The following ZFHX3 variants were observed in gnomAD, a reference collection of about 807,000 sequenced individuals.
The protein encoded by ZFHX3 is zinc finger homeobox 3.
In ZFHX3, 42 loss-of-function variants were observed where a neutral mutation model predicts 279.1. That is an observed-to-expected ratio of 0.15 (90% CI 0.12 to 0.19). The LOEUF is 0.19. Among genes scored for constraint, ZFHX3 ranks in the 10% least tolerant of loss-of-function variants. The probability of loss-of-function intolerance (pLI) is 1.00; values close to 1 mark genes in which losing one functional copy is unlikely to be tolerated. For missense variants in ZFHX3, 4,981 were observed against 4,754.0 expected (o/e 1.05, Z -1.40); for synonymous variants, 2,293 against 1,957.8 (o/e 1.17, Z -4.52).
intron 2 of ZFHX3, among the ~76,000 whole-genome samples, chr16:73,647,315 T>A (rs1193243990): frequency 1.3e-5 from 2 of 152,188 alleles, no homozygotes; most frequent in Non-Finnish European, 2.9e-5. Flanking sequence ...AGTGATATAG[T>A]TTGCATTTGT....
chr16:73,161,976 A>T (rs1967246975), intron 5 of ZFHX3, among the ~76,000 whole-genome samples: 1 of 152,250 alleles, frequency 6.6e-6, no homozygotes, highest in African/African-American at 2.4e-5. Flanking sequence ...ACTTGGGAAC[A>T]GCCCATTGTT....
intron 2 of ZFHX3, among the ~76,000 whole-genome samples, chr16:73,596,175 C>T (rs2052048002): frequency 6.6e-6 from 1 of 151,972 alleles, no homozygotes. Context: ...GCAAATGCCA[C>T]CACGCCCGGC....
At chr16:73,845,683 C>T (rs1047235826) in intron 1 of ZFHX3, among the ~76,000 whole-genome samples, 4 of 152,170 alleles carry the variant, frequency 2.6e-5, no homozygotes, top group East Asian at 1.9e-4. Flanking sequence ...TTCCAACATG[C>T]GTTGTCATGG....
At chr16:72,933,335 T>C (rs1372431019) in intron 3 of ZFHX3, among the ~76,000 whole-genome samples, 3 of 152,014 alleles carry the variant, frequency 2.0e-5, no homozygotes, top group Non-Finnish European at 4.4e-5. Context: ...AGTAGGAAGG[T>C]GGAGGGGAGG....
intron 1 of ZFHX3, among the ~76,000 whole-genome samples, chr16:73,057,325 T>C (rs1284960912): frequency 1.3e-5 from 2 of 152,194 alleles, no homozygotes; most frequent in South Asian, 2.1e-4. Flanking sequence ...TCAATAGTTA[T>C]ACAAGAACCC....
rs563069677 is a variant in ZFHX3, at chr16:73,122,354, T to C, written c.-897+8614A>G. On this transcript the variant is annotated intron_variant, in intron 7 of 17. Coordinates refer to the ZFHX3 transcript ENST00000641206. Reference sequence around the variant, plus strand: ...CTGAATAGCTGGAACTACAGGTGCATGCCAGGCTAATTTTTGTATTTTTTT... The same window carrying C: ...CTGAATAGCTGGAACTACAGGTGCACGCCAGGCTAATTTTTGTATTTTTTT... 9.4e-4 allele frequency among the ~76,000 whole-genome samples: 142 copies of C among 151,846 alleles called. 1 individual carries two copies. The highest frequency in any genetic ancestry group is 1.2e-3 in the Non-Finnish European group (82 of 67,956).
At chr16:73,066,008 G>C (rs891012493) in intron 8 of ZFHX3, among the ~76,000 whole-genome samples, 1 of 152,182 alleles carries the variant, frequency 6.6e-6, no homozygotes, top group African/African-American at 2.4e-5. Context: ...CCCCACGGCC[G>C]GCAGGAGTCC....
intron 4 of ZFHX3, among the ~76,000 whole-genome samples, chr16:72,871,625 C>A (rs2038163286): frequency 6.6e-6 from 1 of 151,988 alleles, no homozygotes; most frequent in African/African-American, 2.4e-5. Context: ...CAGGTGTGAG[C>A]CACCACACCT....
At chr16:73,414,506 T>C (rs1443466160) in intron 3 of ZFHX3, among the ~76,000 whole-genome samples, 2 of 152,364 alleles carry the variant, frequency 1.3e-5, no homozygotes, top group East Asian at 3.9e-4. Flanking sequence ...CCAACTTATA[T>C]TTACCAAAGC....
At chr16:73,330,449 A>G (rs953576046) in intron 3 of ZFHX3, among the ~76,000 whole-genome samples, 1 of 152,220 alleles carries the variant, frequency 6.6e-6, no homozygotes, top group Non-Finnish European at 1.5e-5. Context: ...GCAACAATTC[A>G]TGCATGTGCT....
chr16:73,689,234 T>C (rs2053122258), intron 1 of ZFHX3, among the ~76,000 whole-genome samples: 1 of 152,230 alleles, frequency 6.6e-6, no homozygotes, highest in Admixed American at 6.5e-5. Context: ...TCTAAAGTTC[T>C]ATGTCACTAT....
chr16:73,511,029 T>C (rs1014750006), intron 2 of ZFHX3, among the ~76,000 whole-genome samples: 4 of 152,236 alleles, frequency 2.6e-5, no homozygotes, highest in African/African-American at 7.2e-5. Flanking sequence ...CCTCTGGCTT[T>C]GTGCCTTGTG....
At chr16:73,780,504 A>T (rs1414533071) in intron 1 of ZFHX3, among the ~76,000 whole-genome samples, 1 of 149,944 alleles carries the variant, frequency 6.7e-6, no homozygotes, top group Non-Finnish European at 1.5e-5. Context: ...GTACAGTGGC[A>T]TGATCACGGC....
chr16:73,025,615 T>C (rs1964469465), intron 1 of ZFHX3, among the ~76,000 whole-genome samples: 1 of 152,132 alleles, frequency 6.6e-6, no homozygotes, highest in Non-Finnish European at 1.5e-5. Flanking sequence ...CTGGCCTCCT[T>C]ATCCCTCCCC....
At chr16:73,075,086 G>T (rs148365127) in intron 8 of ZFHX3, among the ~76,000 whole-genome samples, 1 of 152,162 alleles carries the variant, frequency 6.6e-6, no homozygotes, top group African/African-American at 2.4e-5. Context: ...GGGATTACAC[G>T]TGTGAGCTAG....
At chr16:73,220,828 T>C (rs2012390697) in intron 5 of ZFHX3, among the ~76,000 whole-genome samples, 1 of 152,090 alleles carries the variant, frequency 6.6e-6, no homozygotes, top group Non-Finnish European at 1.5e-5. Context: ...ATCCTCCTTT[T>C]TGTAATTTTC....
chr16:73,505,190 G>C (rs1313152072), intron 2 of ZFHX3, among the ~76,000 whole-genome samples: 1 of 152,052 alleles, frequency 6.6e-6, no homozygotes, highest in Non-Finnish European at 1.5e-5. Flanking sequence ...TCAGATGAAT[G>C]TGCTTGAAAA....
intron 3 of ZFHX3, among the ~76,000 whole-genome samples, chr16:73,362,711 C>T (rs530275195): frequency 1.1e-3 from 164 of 152,346 alleles, no homozygotes; most frequent in African/African-American, 3.8e-3. Flanking sequence ...GTCCTCATGA[C>T]TGTATAGTTA....
At position 73,767,092 on chromosome 16, in the gene ZFHX3, C is replaced by T. The variant is rs573146756; in HGVS notation, c.-1607-86852G>A. 1.4e-4 allele frequency among the ~76,000 whole-genome samples: 22 copies of T among 152,098 alleles called. No homozygotes were observed. In the South Asian group the frequency reaches 3.1e-3, roughly 22 times the overall value. On this transcript the variant is annotated intron_variant, in intron 1 of 17. Coordinates refer to the ZFHX3 transcript ENST00000641206. ...CTGGGATTACAGGTGCCCATCACCA[C>T]GCCTGGCTCATTTTTTGTATTTTTA...
Sources: allele counts gnomAD v4.1 joint callset (sites outside exome capture counted in the v4.1 genomes callset), GRCh38; gene constraint gnomAD v4.1.1; transcripts MANE v1.5; gene names NCBI Gene and HGNC (gene_info 2026-07-23, HGNC 2026-07-21).